RIMS2: variants seen among roughly 807,000 people sequenced by gnomAD.
RIMS2 encodes regulating synaptic membrane exocytosis protein 2.
RIMS2 carries 59 observed loss-of-function variants against 174.4 expected under a neutral mutation model. That is an observed-to-expected ratio of 0.34 (90% CI 0.27 to 0.42). The LOEUF (loss-of-function observed/expected upper bound fraction) is 0.42, where lower values mean the gene tolerates loss of function less well. RIMS2 is among the 10% of genes least tolerant of loss of function. The pLI is 1.00. For missense variants in RIMS2, 1,620 were observed against 1,666.3 expected (o/e 0.97, Z 0.48); for synonymous variants, 606 against 572.5 (o/e 1.06, Z -0.84).
chr8:103,731,864 G>A (rs1294951253), intron 2 of RIMS2, among the ~76,000 whole-genome samples: 3 of 152,072 alleles, frequency 2.0e-5, no homozygotes, highest in Non-Finnish European at 4.4e-5. Flanking sequence ...ATGTTATCTT[G>A]AATTTCAATG....
chr8:104,254,128 A>G (rs2099364712), downstream of RIMS2: 2 of 152,168 alleles, frequency 1.3e-5, no homozygotes, highest in African/African-American at 4.8e-5. Context: ...AATTATTTCT[A>G]ATTTTAATAA....
rs80282046 is a variant in RIMS2 at position 103,908,620 on chromosome 8, G to A, written c.1625-1514G>A. ...CATTCAGTTATTAATGCCAGAAACC[G>A]GGGAGTTAACCTTGACTCTTTAGTC... is the stretch of plus-strand genomic sequence containing the variant. On this transcript the variant is annotated intron_variant, in intron 4 of 23. Coordinates refer to ENST00000504942, the Ensembl canonical transcript of RIMS2. Among the ~76,000 whole-genome samples, 1,507 of 152,076 alleles carry A rather than the reference G, an allele frequency of 9.9e-3. 19 individuals are homozygous for A. Among genetic ancestry groups the A allele is most frequent in the East Asian group, 0.047 (243 of 5,156 alleles).
intron 3 of RIMS2, among the ~76,000 whole-genome samples, chr8:103,793,455 C>T (rs188768406): frequency 7.9e-4 from 120 of 152,296 alleles, no homozygotes; most frequent in African/African-American, 2.7e-3. Flanking sequence ...CTGTTTCTGA[C>T]AAACCCAGAG....
At chr8:103,735,019 C>T (rs969466577) in intron 2 of RIMS2, among the ~76,000 whole-genome samples, 16 of 152,222 alleles carry the variant, frequency 1.1e-4, no homozygotes, top group African/African-American at 2.2e-4. Context: ...GATTCCCCTG[C>T]GTCTGGGGTT....
intron 16 of RIMS2, among the ~76,000 whole-genome samples, chr8:103,983,291 A>G (rs982999705): frequency 6.6e-6 from 1 of 152,230 alleles, no homozygotes; most frequent in African/African-American, 2.4e-5. Flanking sequence ...ATGGATTGGT[A>G]TAATCAATGA....
intron 19 of RIMS2, among the ~76,000 whole-genome samples, chr8:104,093,904 A>T (rs1247289409): frequency 6.6e-6 from 1 of 152,012 alleles, no homozygotes; most frequent in Non-Finnish European, 1.5e-5. Flanking sequence ...TTTGTAATTT[A>T]AAAATTAAGA....
At chr8:104,025,171 T>C (rs1212106059) in intron 19 of RIMS2, among the ~76,000 whole-genome samples, 2 of 152,184 alleles carry the variant, frequency 1.3e-5, no homozygotes, top group African/African-American at 4.8e-5. Flanking sequence ...AATAACTTGG[T>C]ATGTTAAAAT....
chr8:104,111,166 G>A (rs1265727997), intron 19 of RIMS2, among the ~76,000 whole-genome samples: 2 of 152,086 alleles, frequency 1.3e-5, no homozygotes, highest in Non-Finnish European at 2.9e-5. Flanking sequence ...ATCCAGTAAA[G>A]AGGAAAAATG....
chr8:103,537,616 A>T (rs942726486), intron 1 of RIMS2, among the ~76,000 whole-genome samples: 5 of 152,092 alleles, frequency 3.3e-5, no homozygotes, highest in African/African-American at 1.2e-4. Context: ...GGATAATAGT[A>T]CTTCCTTCAT....
chr8:104,245,041 TA>T lies in RIMS2; in HGVS notation c.3461del (p.Tyr1154SerfsTer7). On this transcript the variant is annotated frameshift_variant, in exon 20 of 24. Transcript: ENST00000504942. LOFTEE classifies it high-confidence loss of function. ...GTCTACAGATGGTAGCATGAACAGC[TA>T]CAGCTCAGAAGGAAAGTGAGTGAGG... 6.2e-7 allele frequency: 1 copy of T among 1,613,810 alleles called. No homozygotes were observed. The highest frequency in any genetic ancestry group is 8.5e-7 in the Non-Finnish European group (1 of 1,179,754).
intron 1 of RIMS2, among the ~76,000 whole-genome samples, chr8:103,631,858 G>T (rs1400879446): frequency 6.6e-6 from 1 of 152,138 alleles, no homozygotes; most frequent in Non-Finnish European, 1.5e-5. Context: ...CTGGTTAGCT[G>T]TATTCTTAGG....
At chr8:103,819,623 A>G (rs1287465626) in intron 3 of RIMS2, 1 of 1,609,932 alleles carries the variant, frequency 6.2e-7, no homozygotes, top group South Asian at 1.1e-5. Flanking sequence ...ACACTGAACA[A>G]TGCAAGGTGA....
At chr8:104,169,908 CTTAA>C (rs2098822321) in intron 19 of RIMS2, among the ~76,000 whole-genome samples, 2 of 151,942 alleles carry the variant, frequency 1.3e-5, no homozygotes, top group Non-Finnish European at 2.9e-5. Flanking sequence ...TAATTTCCAT[CTTAA>C]TTGTTAACCC....
intron 1 of RIMS2, among the ~76,000 whole-genome samples, chr8:103,675,621 A>T (rs2096799077): frequency 6.6e-6 from 1 of 152,228 alleles, no homozygotes. Context: ...TGAAACATGT[A>T]ACAGAGATAG....
At chr8:103,548,153 C>A (rs1402577048) in intron 1 of RIMS2, among the ~76,000 whole-genome samples, 5 of 152,162 alleles carry the variant, frequency 3.3e-5, no homozygotes, top group African/African-American at 9.7e-5. Context: ...TCCTCCTTAA[C>A]TCATTCTATG....
At chr8:103,804,712 A>G (rs1283281008) in intron 3 of RIMS2, among the ~76,000 whole-genome samples, 2 of 152,186 alleles carry the variant, frequency 1.3e-5, no homozygotes, top group African/African-American at 4.8e-5. Context: ...TTTACCTGCA[A>G]AGGTGCTGTA....
intron 3 of RIMS2, among the ~76,000 whole-genome samples, chr8:103,828,974 T>C (rs1230441611): frequency 1.3e-5 from 2 of 152,174 alleles, no homozygotes; most frequent in African/African-American, 4.8e-5. Flanking sequence ...TGTAGTCTTG[T>C]AGTATAGTTC....
At chr8:103,817,507 G>T (rs2098725305) in intron 3 of RIMS2, among the ~76,000 whole-genome samples, 1 of 152,210 alleles carries the variant, frequency 6.6e-6, no homozygotes, top group Non-Finnish European at 1.5e-5. Flanking sequence ...CAGGCCAGGC[G>T]CAGTGGCTCA....
intron 17 of RIMS2, among the ~76,000 whole-genome samples, chr8:104,005,821 C>G (rs2095554513): frequency 6.6e-6 from 1 of 151,956 alleles, no homozygotes; most frequent in Admixed American, 6.6e-5. Context: ...GGTCCTTTGT[C>G]AAGATGGGTA....
Sources: allele counts gnomAD v4.1 joint callset (sites outside exome capture counted in the v4.1 genomes callset), GRCh38; gene constraint gnomAD v4.1.1; transcripts MANE v1.5; gene names NCBI Gene and HGNC (gene_info 2026-07-23, HGNC 2026-07-21).